ERBB4: variants seen among roughly 807,000 people sequenced by gnomAD.
ERBB4 encodes the protein erb-b2 receptor tyrosine kinase 4.
Under a neutral mutation model 158.0 loss-of-function variants are expected in ERBB4, and 42 were observed. The ratio of observed to expected loss-of-function variants is 0.27; its 90% CI spans 0.21 to 0.34. The LOEUF (loss-of-function observed/expected upper bound fraction) is 0.34, where lower values mean the gene tolerates loss of function less well. ERBB4 is among the 10% of genes least tolerant of loss of function. The pLI, the probability that ERBB4 is intolerant of heterozygous loss-of-function variation, is 1.00. For missense variants in ERBB4, 1,333 were observed against 1,624.1 expected (o/e 0.82, Z 3.08); for synonymous variants, 583 against 558.7 (o/e 1.04, Z -0.61).
At chr2:212,433,606 C>G (rs2092076651) in intron 1 of ERBB4, among the ~76,000 whole-genome samples, 1 of 151,898 alleles carries the variant, frequency 6.6e-6, no homozygotes. Flanking sequence ...AGGTTCTCAA[C>G]AAGAACAGCT....
intron 3 of ERBB4, among the ~76,000 whole-genome samples, chr2:211,834,636 G>A (rs937105394): frequency 2.0e-5 from 3 of 152,036 alleles, no homozygotes. Flanking sequence ...ATTCCTGAAA[G>A]ACTCAATAAA....
At chr2:212,012,617 C>A (rs1286481394) in intron 2 of ERBB4, among the ~76,000 whole-genome samples, 1 of 151,994 alleles carries the variant, frequency 6.6e-6, no homozygotes, top group Admixed American at 6.6e-5. Flanking sequence ...GCTTCACCAT[C>A]TTGGCCAGGC....
chr2:211,692,891 G>T (rs986930770), intron 12 of ERBB4, among the ~76,000 whole-genome samples: 2 of 152,100 alleles, frequency 1.3e-5, no homozygotes, highest in African/African-American at 4.8e-5. Flanking sequence ...TCTGTGTGTA[G>T]GCAAGGTTAG....
At chr2:211,843,689 A>G (rs12618183) in intron 3 of ERBB4, among the ~76,000 whole-genome samples, 22,706 of 140,982 alleles carry the variant, frequency 0.16, 2,183 homozygotes, top group South Asian at 0.26. Flanking sequence ...TGATATGTGA[A>G]GTCTTAACTA....
intron 19 of ERBB4, among the ~76,000 whole-genome samples, chr2:211,589,252 A>G (rs1219389927): frequency 6.6e-6 from 1 of 152,142 alleles, no homozygotes; most frequent in Non-Finnish European, 1.5e-5. Context: ...ACACATTCCT[A>G]TTCCCTCAAG....
chr2:212,309,757 A>AT (rs75634007), intron 1 of ERBB4, among the ~76,000 whole-genome samples: 3,145 of 149,130 alleles, frequency 0.021, 121 homozygotes, highest in African/African-American at 0.073. Context: ...CTTTGAGGGT[A>AT]TTTTTTTTTT....
chr2:211,384,632 A>G (rs2062646481), intron 27 of ERBB4, among the ~76,000 whole-genome samples: 1 of 152,122 alleles, frequency 6.6e-6, no homozygotes, highest in African/African-American at 2.4e-5. Context: ...GAAAGCATCA[A>G]AGGAAAAAAA....
At chr2:211,523,579 G>C (rs2066249218) in intron 20 of ERBB4, among the ~76,000 whole-genome samples, 1 of 151,864 alleles carries the variant, frequency 6.6e-6, no homozygotes, top group Non-Finnish European at 1.5e-5. Flanking sequence ...TTAAGCTGCA[G>C]ACCTTCGCAG....
At chr2:212,417,369 C>G (rs758782479) in intron 1 of ERBB4, among the ~76,000 whole-genome samples, 2 of 151,976 alleles carry the variant, frequency 1.3e-5, no homozygotes, top group Non-Finnish European at 2.9e-5. Flanking sequence ...GAAAAAGTAA[C>G]TACACATTGA....
At chr2:212,232,923 T>G (rs541374302) in intron 1 of ERBB4, among the ~76,000 whole-genome samples, 2 of 152,130 alleles carry the variant, frequency 1.3e-5, no homozygotes, top group Admixed American at 1.3e-4. Context: ...TAAAATAAAA[T>G]TCAAAAGCAA....
At chr2:212,358,257 T>G (rs1033783637) in intron 1 of ERBB4, among the ~76,000 whole-genome samples, 2 of 151,828 alleles carry the variant, frequency 1.3e-5, no homozygotes, top group African/African-American at 4.8e-5. Context: ...TTTAACAACT[T>G]CATATGCTTA....
At chr2:212,258,085 A>G (rs757545193) in intron 1 of ERBB4, among the ~76,000 whole-genome samples, 2 of 152,122 alleles carry the variant, frequency 1.3e-5, no homozygotes, top group Non-Finnish European at 2.9e-5. Context: ...GTACAAAACT[A>G]TTTATAGGAA....
At chr2:212,113,537 G>A (rs982765497) in intron 2 of ERBB4, among the ~76,000 whole-genome samples, 9 of 125,814 alleles carry the variant, frequency 7.2e-5, no homozygotes, top group African/African-American at 1.6e-4. Context: ...TCATGCCACC[G>A]CACTCCAGCC....
chr2:212,458,487 TAG>T (rs1388103742), intron 1 of ERBB4, among the ~76,000 whole-genome samples: 6 of 151,942 alleles, frequency 3.9e-5, no homozygotes, highest in Admixed American at 3.9e-4. Flanking sequence ...ATCAGGCATA[TAG>T]AGAGAGGAAG....
Position 211,384,000 on chromosome 2 carries a change from T to TGAA in ERBB4, c.3539_3541dup (p.Leu1180dup), listed in dbSNP as rs1239327483. 1.2e-6 allele frequency: 2 copies of TGAA among 1,614,108 alleles called. No homozygotes were observed. The highest frequency in any genetic ancestry group is 3.3e-5 in the Admixed American group (2 of 60,006). ...GTGATATTCGGGATTATCCAATGCT[T>TGAA]GAAGGTCTCCATTTTTTCTCCGAGA... is the stretch of plus-strand genomic sequence containing the variant. On this transcript the variant is annotated inframe_insertion, in exon 28 of 28. Coordinates refer to ENST00000342788, the MANE Select transcript of ERBB4 (RefSeq NM_005235.3).
At chr2:212,361,730 G>A (rs1026309121) in intron 1 of ERBB4, among the ~76,000 whole-genome samples, 1 of 151,522 alleles carries the variant, frequency 6.6e-6, no homozygotes, top group Non-Finnish European at 1.5e-5. Context: ...ACGGCCTTAG[G>A]CAAATTATTT....
chr2:212,163,373 A>AT (rs1354044439), intron 1 of ERBB4, among the ~76,000 whole-genome samples: 9 of 149,344 alleles, frequency 6.0e-5, no homozygotes, highest in Non-Finnish European at 1.5e-5. Flanking sequence ...TGAAGGAACT[A>AT]AACAAAACAT....
intron 1 of ERBB4, among the ~76,000 whole-genome samples, chr2:212,236,573 T>C (rs12185587): frequency 0.39 from 59,322 of 152,054 alleles, 13,547 homozygotes; most frequent in East Asian, 0.76. Context: ...CTGGTGGAAT[T>C]TAGCTCCGAA....
intron 1 of ERBB4, among the ~76,000 whole-genome samples, chr2:212,302,129 G>C (rs1214619721): frequency 6.6e-6 from 1 of 151,204 alleles, no homozygotes; most frequent in African/African-American, 2.4e-5. Flanking sequence ...ATGTGATCTT[G>C]GGCAAGTTAC....
Sources: allele counts gnomAD v4.1 joint callset (sites outside exome capture counted in the v4.1 genomes callset), GRCh38; gene constraint gnomAD v4.1.1; transcripts MANE v1.5; gene names NCBI Gene and HGNC (gene_info 2026-07-23, HGNC 2026-07-21).